MC2R: variants seen among roughly 807,000 people sequenced by gnomAD.
MC2R encodes adrenocorticotropic hormone receptor.
In MC2R, 9 loss-of-function variants were observed where a neutral mutation model predicts 9.8. The observed-to-expected ratio is 0.92, with a 90% CI of 0.55 to 1.60. The LOEUF is 1.60. MC2R is among the 40% of genes most tolerant of loss of function. The pLI is 0.00. For synonymous variants in MC2R, 185 were observed against 154.7 expected (o/e 1.20, Z -1.45); for missense variants, 370 against 389.0 (o/e 0.95, Z 0.41).
intron 1 of MC2R, among the ~76,000 whole-genome samples, chr18:13,893,088 T>C (rs2045326503): frequency 6.6e-6 from 1 of 152,254 alleles, no homozygotes; most frequent in South Asian, 2.1e-4. Context: ...TATTTTCTCC[T>C]TCAGGAGCCC....
chr18:13,899,905 A>G (rs1206591148), intron 1 of MC2R, among the ~76,000 whole-genome samples: 4 of 152,176 alleles, frequency 2.6e-5, no homozygotes, highest in African/African-American at 9.6e-5. Flanking sequence ...GCAATAAGTA[A>G]TCACCTGAAG....
chr18:13,889,490 A>G (rs1045027061), intron 1 of MC2R, among the ~76,000 whole-genome samples: 5 of 152,222 alleles, frequency 3.3e-5, no homozygotes, highest in African/African-American at 1.2e-4. Flanking sequence ...GACTGCAAGG[A>G]AAAGCAAAAC....
chr18:13,887,487 G>T (rs1567896598), intron 1 of MC2R, among the ~76,000 whole-genome samples: 2 of 152,216 alleles, frequency 1.3e-5, no homozygotes, highest in African/African-American at 4.8e-5. Context: ...TGATGGGAGG[G>T]GGCCTGTGGT....
At chr18:13,902,569 G>A (rs2045386732) in intron 1 of MC2R, among the ~76,000 whole-genome samples, 1 of 152,076 alleles carries the variant, frequency 6.6e-6, no homozygotes, top group Non-Finnish European at 1.5e-5. Context: ...TTTGACAAAG[G>A]TGCCAAGAAC....
In MC2R at chr18:13,885,515, T is replaced by C; in HGVS notation, c.4A>G (p.Lys2Glu). 1 of 1,614,188 alleles carries C rather than the reference T, an allele frequency of 6.2e-7. No individual in the cohort carries two copies. The highest frequency in any genetic ancestry group is 8.5e-7 in the Non-Finnish European group (1 of 1,180,034). The change falls in exon 2 of 2, where the codon AAG becomes GAG. Residue 2 changes from lysine to glutamate, a missense_variant. Coordinates refer to ENST00000327606, the MANE Select transcript of MC2R (RefSeq NM_000529.2). Reference sequence around the variant, plus strand: ...TTTTCATACGAGTTGATAATGTGCTTCATTTCTCCTGCTTGTGGTTAAGGC... The same window carrying C: ...TTTTCATACGAGTTGATAATGTGCTCCATTTCTCCTGCTTGTGGTTAAGGC... M[K>E]HIINSYENIN...
chr18:13,902,145 A>G (rs2045383917), intron 1 of MC2R, among the ~76,000 whole-genome samples: 1 of 152,100 alleles, frequency 6.6e-6, no homozygotes, highest in Non-Finnish European at 1.5e-5. Context: ...ATGAAGGACA[A>G]AAACCATATG....
In MC2R at chr18:13,884,613, G is replaced by T. The variant is rs370962782; in HGVS notation, c.*12C>A. On this transcript the variant is annotated 3_prime_UTR_variant, in exon 2 of 2. Coordinates refer to ENST00000327606, the MANE Select transcript of MC2R (RefSeq NM_000529.2). Reference sequence around the variant, plus strand: ...TTATTCCCATGGATTCTAAAACCAGGGATCAGCCATTCTACCAGTACCTGC... The same window carrying T: ...TTATTCCCATGGATTCTAAAACCAGTGATCAGCCATTCTACCAGTACCTGC... 1.5e-5 allele frequency: 24 copies of T among 1,611,032 alleles called. No homozygotes were observed. Among genetic ancestry groups the T allele is most frequent in the Non-Finnish European group, 2.0e-5 (24 of 1,179,952 alleles).
intron 1 of MC2R, among the ~76,000 whole-genome samples, chr18:13,900,592 C>T (rs756438439): frequency 3.9e-5 from 6 of 151,916 alleles, no homozygotes; most frequent in Admixed American, 2.6e-4. Flanking sequence ...CAAAAAAGAG[C>T]GGGAATAACT....
chr18:13,904,632 A>ACCAAAACAGGTACAGTAT, intron 1 of MC2R, among the ~76,000 whole-genome samples: 1 of 151,996 alleles, frequency 6.6e-6, no homozygotes, highest in Middle Eastern at 3.2e-3. Context: ...GGCTACAGTA[A>ACCAAAACAGGTACAGTAT]CCAAAACAGG....
In MC2R at chr18:13,885,647, C is replaced by T; in HGVS notation, c.-128-1G>A. 9.7e-7 allele frequency: 1 copy of T among 1,035,582 alleles called. No homozygotes were observed. Among genetic ancestry groups the T allele is most frequent in the Middle Eastern group, 2.1e-4 (1 of 4,782 alleles). 64.1% of individuals were successfully genotyped at this position (1,035,582 alleles called of 1,614,324 possible). Reference sequence around the variant, plus strand: ...ATCTAAGTTAAAATCTCCCAATCACCTAAAAGGGAGTATACAGAAATATTA... The same window carrying T: ...ATCTAAGTTAAAATCTCCCAATCACTTAAAAGGGAGTATACAGAAATATTA... On this transcript the variant is annotated splice_acceptor_variant, in intron 1 of 1. Coordinates refer to ENST00000327606, the MANE Select transcript of MC2R (RefSeq NM_000529.2). LOFTEE classifies it low-confidence loss of function (5UTR_SPLICE).
intron 1 of MC2R, among the ~76,000 whole-genome samples, chr18:13,890,900 A>G (rs1259012894): frequency 2.6e-5 from 4 of 152,158 alleles, no homozygotes; most frequent in Non-Finnish European, 5.9e-5. Flanking sequence ...GGGATTAGCA[A>G]TGCCTGTCAA....
chr18:13,908,707 TG>T (rs368591444), intron 1 of MC2R, among the ~76,000 whole-genome samples: 1,150 of 23,772 alleles, frequency 0.048, 19 homozygotes, highest in African/African-American at 0.058. Flanking sequence ...AGGAGCTTCT[TG>T]TGTGTGTGTG....
chr18:13,885,933 A>G (rs746743271), intron 1 of MC2R, among the ~76,000 whole-genome samples: 2 of 152,230 alleles, frequency 1.3e-5, no homozygotes, highest in Non-Finnish European at 2.9e-5. Flanking sequence ...TTGCAGCAAC[A>G]TGGATGGAAG....
intron 1 of MC2R, among the ~76,000 whole-genome samples, chr18:13,911,740 G>A (rs566190662): frequency 6.6e-6 from 1 of 152,270 alleles, no homozygotes; most frequent in South Asian, 2.1e-4. Flanking sequence ...AGGAGATTGG[G>A]GCATATGAGG....
At chr18:13,888,752 G>T (rs1199037936) in intron 1 of MC2R, among the ~76,000 whole-genome samples, 6 of 152,172 alleles carry the variant, frequency 3.9e-5, no homozygotes. Flanking sequence ...CTTAGAGATT[G>T]CCTGTAGAAC....
intron 1 of MC2R, among the ~76,000 whole-genome samples, chr18:13,897,459 G>A (rs1252039583): frequency 3.3e-5 from 5 of 152,128 alleles, no homozygotes; most frequent in Non-Finnish European, 5.9e-5. Flanking sequence ...GTAACTCTTA[G>A]GCGAGTCCTA....
At chr18:13,891,365 T>C (rs2045314730) in intron 1 of MC2R, among the ~76,000 whole-genome samples, 1 of 152,264 alleles carries the variant, frequency 6.6e-6, no homozygotes, top group Non-Finnish European at 1.5e-5. Flanking sequence ...TATTTTGCTG[T>C]GTAAATAATG....
At position 13,884,258 on chromosome 18, in the gene MC2R, G is replaced by A. The variant is rs2045257233; in HGVS notation, c.*367C>T. ...GATGTCCACAGGAAAGCAAGTCTTT[G>A]CCTTAGCCCAAAGCCCTTGAATTTT... On this transcript the variant is annotated 3_prime_UTR_variant, in exon 2 of 2. Transcript: ENST00000327606. The A allele has an allele frequency of 3.0e-6, 1 of 332,850 alleles. No homozygotes were observed. The highest frequency in any genetic ancestry group is 5.8e-6 in the Non-Finnish European group (1 of 172,122). 20.6% of individuals were successfully genotyped at this position (332,850 alleles called of 1,614,324 possible). A position where few individuals can be genotyped will look rare whatever the true frequency, so the allele number is the denominator to read the frequency against.
At chr18:13,894,793 T>C (rs1598463491) in intron 1 of MC2R, among the ~76,000 whole-genome samples, 1 of 152,186 alleles carries the variant, frequency 6.6e-6, no homozygotes, top group East Asian at 1.9e-4. Flanking sequence ...TTAGTACTGC[T>C]CTCCCTCTGA....
Sources: gnomAD v4.1 joint callset for allele counts (sites outside exome capture counted in the v4.1 genomes callset) on GRCh38, gnomAD v4.1.1 for gene constraint, MANE v1.5 for transcripts, NCBI Gene and HGNC (gene_info 2026-07-23, HGNC 2026-07-21) for gene names.